The following SSR3 variants were observed in gnomAD, a reference collection of about 807,000 sequenced individuals.
SSR3 encodes translocon-associated protein subunit gamma.
A neutral mutation model predicts 22.1 loss-of-function variants in SSR3; 10 were observed. The observed-to-expected ratio is 0.45, with a 90% confidence interval of 0.28 to 0.77. The LOEUF (loss-of-function observed/expected upper bound fraction) is 0.77. Ranked by LOEUF, SSR3 falls within the 30% of genes least tolerant of loss-of-function variation. The pLI, the probability that SSR3 is intolerant of heterozygous loss-of-function variation, is 0.13. For synonymous variants in SSR3, 104 were observed against 82.5 expected (o/e 1.26, Z -1.42); for missense variants, 181 against 220.5 (o/e 0.82, Z 1.13).
intron 1 of SSR3, among the ~76,000 whole-genome samples, chr3:156,554,354 T>C (rs879555713): frequency 1.3e-5 from 2 of 152,230 alleles, no homozygotes; most frequent in Non-Finnish European, 2.9e-5. Context: ...AACGACCTTG[T>C]CCAAGTCTGC....
intron 3 of SSR3, among the ~76,000 whole-genome samples, chr3:156,547,675 T>C (rs1719810998): frequency 6.6e-6 from 1 of 152,244 alleles, no homozygotes; most frequent in Non-Finnish European, 1.5e-5. Context: ...ATCATTTTAA[T>C]AATGTTTTGG....
chr3:156,548,783 C>T, intron 3 of SSR3, 122 bp downstream of exon 3: 1 of 1,217,182 alleles, frequency 8.2e-7, no homozygotes, highest in Non-Finnish European at 1.1e-6. Context: ...ATTACTACTA[C>T]TACTACAATT....
In SSR3 at chr3:156,548,954, G is replaced by T; in HGVS notation, c.310C>A (p.Leu104Ile). The T allele has an allele frequency of 6.2e-7, 1 of 1,613,370 alleles. No individual in the cohort carries two copies. ...DAVSKEVTRK[L>I]SEADNRKMSR... The stretch of plus-strand genomic sequence containing the variant: ...ATCTTTCTATTATCAGCTTCAGAAA[G>T]TTTTCGAGTCACTTCTTTGGAAACA... Residue 104 changes from leucine to isoleucine, a missense_variant, in exon 3 of 5, where the codon CTT (leucine) becomes ATT (isoleucine). By Grantham distance (5) the Leu-to-Ile change is conservative. Transcript: ENST00000265044.
At chr3:156,549,608 T>C (rs9820091) in intron 2 of SSR3, among the ~76,000 whole-genome samples, 19,327 of 152,212 alleles carry the variant, frequency 0.13, 1,432 homozygotes, top group Middle Eastern at 0.19. Context: ...TAAGCACAAA[T>C]TGCAACTGAT....
intron 2 of SSR3, among the ~76,000 whole-genome samples, chr3:156,549,946 C>T (rs1371809069): frequency 3.3e-5 from 5 of 152,024 alleles, no homozygotes; most frequent in African/African-American, 1.2e-4. Context: ...CTTTTTACTC[C>T]GAAGATCCAA....
chr3:156,554,917 G>A (rs907115739), intron 1 of SSR3, 40 bp downstream of exon 1: 5 of 1,594,652 alleles, frequency 3.1e-6, no homozygotes, highest in African/African-American at 2.7e-5. Flanking sequence ...AGCCCGACTA[G>A]CCGGCGGCCT....
chr3:156,548,625 T>C (rs1719842761), intron 3 of SSR3, among the ~76,000 whole-genome samples: 1 of 152,242 alleles, frequency 6.6e-6, no homozygotes. Flanking sequence ...TCAAGCTTTC[T>C]GTACCTTTGT....
chr3:156,551,464 C>A (rs1442388116), intron 2 of SSR3: 1 of 152,082 alleles, frequency 6.6e-6, no homozygotes, highest in Admixed American at 6.6e-5. Context: ...CAGTCCCATA[C>A]AGTGGAGGCC....
rs1446725969 is a variant in SSR3, at chr3:156,542,383, C to T, written c.*820G>A. The stretch of plus-strand genomic sequence containing the variant: ...AAAATTACTTTGGTCTTTTACATGT[C>T]AATATTCAGGAAAGAGGTTCTTTCT... On this transcript the variant is annotated 3_prime_UTR_variant, in exon 5 of 5. Coordinates refer to ENST00000265044, the MANE Select transcript of SSR3 (RefSeq NM_007107.5). 1.3e-5 allele frequency: 2 copies of T among 152,198 alleles called. No individual in the cohort carries two copies. The highest frequency in any genetic ancestry group is 2.9e-5 in the Non-Finnish European group (2 of 68,034). The allele number at this position is 152,198 out of a possible 1,614,324, so 9.4% of individuals were successfully genotyped here. A position where few individuals can be genotyped will look rare whatever the true frequency, so the allele number is the denominator to read the frequency against.
At position 156,554,791 on chromosome 3, in the gene SSR3, T is replaced by G. The variant is rs970833747; in HGVS notation, c.133+166A>C. ...ACAGGACAATCCCAAGCGACAACAC[T>G]GTGCCCAAAGAAGAGGCTCCGTGCC... On this transcript the variant is annotated intron_variant, in intron 1 of 4. Transcript: ENST00000265044. 1.3e-5 allele frequency: 11 copies of G among 869,992 alleles called. No individual in the cohort carries two copies. In the African/African-American group the frequency reaches 1.9e-4, roughly 15 times the overall value. The allele number at this position is 869,992 out of a possible 1,614,324, so 53.9% of individuals were successfully genotyped here. A position where few individuals can be genotyped will look rare whatever the true frequency, so the allele number is the denominator to read the frequency against.
At chr3:156,553,818 A>T in intron 1 of SSR3, 37 bp from the exon 2 acceptor site, 5 of 1,572,650 alleles carry the variant, frequency 3.2e-6, no homozygotes, top group Non-Finnish European at 4.3e-6. Flanking sequence ...TACAAAAAGA[A>T]GCAAAACATT....
Position 156,540,537 on chromosome 3 carries a change from C to T in SSR3, c.*2666G>A, listed in dbSNP as rs1037871548. The stretch of plus-strand genomic sequence containing the variant: ...AGGAGAATGGCGTGAACCTGGGAGG[C>T]GGAGCTCGCAGTGAGCCAAGATAGA... On this transcript the variant is annotated 3_prime_UTR_variant, in exon 5 of 5. Transcript: ENST00000265044. The T allele has an allele frequency of 1.6e-5, 2 of 128,326 alleles. No homozygotes were observed. Among genetic ancestry groups the T allele is most frequent in the African/African-American group, 3.0e-5 (1 of 33,322 alleles). The allele number at this position is 128,326 out of a possible 1,614,324, so 7.9% of individuals were successfully genotyped here. A position where few individuals can be genotyped will look rare whatever the true frequency, so the allele number is the denominator to read the frequency against.
intron 3 of SSR3, 186 bp downstream of exon 3, chr3:156,548,719 G>T (rs1359745722): frequency 4.3e-6 from 3 of 701,436 alleles, no homozygotes; most frequent in Non-Finnish European, 7.0e-6. Flanking sequence ...GTACAGCACA[G>T]ATAAAAGTAT....
rs1719355389 is a variant in SSR3 at position 156,539,742 on chromosome 3, A to T, written c.*3461T>A. Among the ~76,000 whole-genome samples the T allele has an allele frequency of 6.6e-6, 1 of 152,136 alleles. No individual in the cohort carries two copies. Among genetic ancestry groups the T allele is most frequent in the African/African-American group, 2.4e-5 (1 of 41,424 alleles). ...ATCTATAAATTGGTTTTCTCCATAA[A>T]TGTACACATACATGTATCCTTCCAT... On this transcript the variant is annotated 3_prime_UTR_variant, in exon 5 of 5. Coordinates refer to ENST00000265044, the MANE Select transcript of SSR3 (RefSeq NM_007107.5).
chr3:156,551,647 G>A (rs1719960468), intron 2 of SSR3: 1 of 152,220 alleles, frequency 6.6e-6, no homozygotes, highest in Admixed American at 6.5e-5. Context: ...AGTCACTGAG[G>A]CCATTTTGGG....
In SSR3 at chr3:156,542,180, CA is replaced by C. The variant is rs1368307235; in HGVS notation, c.*1022del. On this transcript the variant is annotated 3_prime_UTR_variant, in exon 5 of 5. Coordinates refer to ENST00000265044, the MANE Select transcript of SSR3 (RefSeq NM_007107.5). The stretch of plus-strand genomic sequence containing the variant: ...CTGTACATACACGGGTAAAAAAATG[CA>C]AGAGATTGCTCTCAGCTGGATCCCC... 1 of 152,120 alleles carries C rather than the reference CA, an allele frequency of 6.6e-6. No individual in the cohort carries two copies. The highest frequency in any genetic ancestry group is 1.5e-5 in the Non-Finnish European group (1 of 68,038). 9.4% of individuals were successfully genotyped at this position (152,120 alleles called of 1,614,324 possible).
chr3:156,543,181 C>CA lies in SSR3; in HGVS notation c.*21dup. ...CACAGGCCACCCATAGACACAAAGC[C>CA]AGGGGGTGAAGCTGACATGGTCTAT... is the stretch of plus-strand genomic sequence containing the variant. On this transcript the variant is annotated 3_prime_UTR_variant, in exon 5 of 5. Coordinates refer to ENST00000265044, the MANE Select transcript of SSR3 (RefSeq NM_007107.5). 6.2e-7 allele frequency: 1 copy of CA among 1,611,530 alleles called. No individual in the cohort carries two copies. Among genetic ancestry groups the CA allele is most frequent in the South Asian group, 1.1e-5 (1 of 90,904 alleles).
Position 156,543,173 on chromosome 3 carries a change from C to A in SSR3, c.*30G>T. On this transcript the variant is annotated 3_prime_UTR_variant, in exon 5 of 5. Transcript: ENST00000265044. ...CCATATACCACAGGCCACCCATAGACACAAAGCCAGGGGGTGAAGCTGACA... is the reference window on the plus strand; with the variant it reads ...CCATATACCACAGGCCACCCATAGAAACAAAGCCAGGGGGTGAAGCTGACA... 6.2e-7 allele frequency: 1 copy of A among 1,609,252 alleles called. No homozygotes were observed. The highest frequency in any genetic ancestry group is 1.7e-5 in the Admixed American group (1 of 59,818).
chr3:156,551,073 C>T (rs1719936038), intron 2 of SSR3, among the ~76,000 whole-genome samples: 1 of 152,104 alleles, frequency 6.6e-6, no homozygotes, highest in Non-Finnish European at 1.5e-5. Context: ...TGAACCTTAA[C>T]CATCTTGCAA....
Sources: gnomAD v4.1 joint callset for allele counts (sites outside exome capture counted in the v4.1 genomes callset) on GRCh38, gnomAD v4.1.1 for gene constraint, MANE v1.5 for transcripts, NCBI Gene and HGNC (gene_info 2026-07-23, HGNC 2026-07-21) for gene names.